NRSN2: variants seen among roughly 807,000 people sequenced by gnomAD.
NRSN2 encodes neurensin-2.
In NRSN2, 10 loss-of-function variants were observed where a neutral mutation model predicts 11.1. That is an observed-to-expected ratio of 0.90 (90% CI 0.56 to 1.53). NRSN2 has a LOEUF of 1.53. Ranked by LOEUF, NRSN2 falls within the 40% of genes most tolerant of loss-of-function variation. The pLI is 0.00. For missense variants in NRSN2, 260 were observed against 273.7 expected (o/e 0.95, Z 0.35); for synonymous variants, 100 against 117.0 (o/e 0.86, Z 0.94).
At chr20:352,075 G>A (rs980622398) in intron 4 of NRSN2, among the ~76,000 whole-genome samples, 11 of 152,206 alleles carry the variant, frequency 7.2e-5, no homozygotes, top group Admixed American at 5.9e-4. Context: ...TAATTACTAT[G>A]GTTAAGAGAT....
intron 4 of NRSN2, among the ~76,000 whole-genome samples, chr20:350,253 G>A (rs2013825489): frequency 1.3e-5 from 2 of 151,972 alleles, no homozygotes; most frequent in Admixed American, 1.3e-4. Flanking sequence ...GGCTGAGGCT[G>A]GTGGATCTCG....
At position 352,689 on chromosome 20, in the gene NRSN2, C is replaced by G. The variant is rs76914963; in HGVS notation, c.190-521C>G. Among the ~76,000 whole-genome samples, 548 of 152,362 alleles carry G rather than the reference C, an allele frequency of 3.6e-3. 3 individuals carry two copies. The highest frequency in any genetic ancestry group is 0.012 in the African/African-American group (518 of 41,588). On this transcript the variant is annotated intron_variant, in intron 4 of 4. Transcript: ENST00000382285. ...CCTAGTGAGCCAAAACAGGCACAGT[C>G]TGCTCTCATGGAGCTCTCAGTACTG...
chr20:352,403 T>TA (rs2014039757), intron 4 of NRSN2, among the ~76,000 whole-genome samples: 1 of 152,210 alleles, frequency 6.6e-6, no homozygotes, highest in African/African-American at 2.4e-5. Context: ...GAGGCCAACT[T>TA]ACATAACTTC....
chr20:349,639 G>A lies in NRSN2; in HGVS notation c.-5G>A, dbSNP rs371070518. 1.5e-5 allele frequency: 24 copies of A among 1,608,414 alleles called. No homozygotes were observed. The highest frequency in any genetic ancestry group is 2.0e-5 in the Non-Finnish European group (24 of 1,177,858). On this transcript the variant is annotated splice_region_variant and 5_prime_UTR_variant, in exon 4 of 5. Coordinates refer to ENST00000382285, the MANE Select transcript of NRSN2 (RefSeq NM_001323682.2). Reference sequence around the variant, plus strand: ...AGCTGCACCTTACCTGCTCCCCAGGGGTCCATGATGCCGAGCTGCAATCGT... The same window carrying A: ...AGCTGCACCTTACCTGCTCCCCAGGAGTCCATGATGCCGAGCTGCAATCGT...
In NRSN2 at chr20:347,962, C is replaced by G. The variant is rs1472320697; in HGVS notation, c.-122+450C>G. On this transcript the variant is annotated intron_variant, in intron 2 of 4. Coordinates refer to ENST00000382285, the MANE Select transcript of NRSN2 (RefSeq NM_001323682.2). This position sits in a 1 kb window ranked among gnomAD's most constrained non-coding sequence, Gnocchi z 7.0. Reference sequence around the variant, plus strand: ...CGGAGGGGCCAGGCCGAGCGGGAGGCAGCGTCAAGGTCACCTTCCCTCTCC... The same window carrying G: ...CGGAGGGGCCAGGCCGAGCGGGAGGGAGCGTCAAGGTCACCTTCCCTCTCC... The G allele has an allele frequency of 6.5e-6, 1 of 152,688 alleles. No homozygotes were observed. The highest frequency in any genetic ancestry group is 1.5e-5 in the Non-Finnish European group (1 of 68,456). The allele number at this position is 152,688 out of a possible 1,614,324, so 9.5% of individuals were successfully genotyped here.
Position 349,827 on chromosome 20 carries a change from T to C in NRSN2, c.184T>C (p.Trp62Arg). 1.2e-6 allele frequency: 2 copies of C among 1,612,936 alleles called. No individual in the cohort carries two copies. Among genetic ancestry groups the C allele is most frequent in the Non-Finnish European group, 1.7e-6 (2 of 1,179,714 alleles). ...CCGCCGGCCCTGGCCCTCACTGTGTTGGAAGGTAAGGCCAGATGAGCACCT... is the reference window on the plus strand; with the variant it reads ...CCGCCGGCCCTGGCCCTCACTGTGTCGGAAGGTAAGGCCAGATGAGCACCT... ...CPRRPWPSLC[W>R]KISLSSGTLL... is the part of the protein sequence containing the mutation. Residue 62 changes from tryptophan to arginine, a missense_variant, in exon 4 of 5, where the codon TGG becomes CGG. Physicochemically the swap from Trp to Arg is moderately radical, Grantham distance 101 (BLOSUM62 -3). Transcript: ENST00000382285.
chr20:349,782 G>A lies in NRSN2; in HGVS notation c.139G>A (p.Gly47Arg). The A allele has an allele frequency of 3.7e-6, 6 of 1,613,504 alleles. No homozygotes were observed. Among genetic ancestry groups the A allele is most frequent in the Non-Finnish European group, 3.4e-6 (4 of 1,180,012 alleles). ...CACTGCTCTCAGCGACGACCCTGAG[G>A]GACCTCCGGTCCTGTGCCCCCGCCG... ...AGTALSDDPE[G>R]PPVLCPRRPW... Residue 47 changes from glycine (G) to arginine (R), a missense_variant, in exon 4 of 5, where the codon GGA becomes AGA. By Grantham distance (125) the Gly-to-Arg change is moderately radical (BLOSUM62 -2). Coordinates refer to ENST00000382285, the MANE Select transcript of NRSN2 (RefSeq NM_001323682.2).
chr20:347,475 C>T lies in NRSN2; in HGVS notation c.-159C>T, dbSNP rs914283397. ...AGGACGCAGTTGGTGTGGAGCAGGG[C>T]ATCGGTGGTCCTGTCAGGAAGAGTG... On this transcript the variant is annotated 5_prime_UTR_variant, in exon 2 of 5. Transcript: ENST00000382285. The surrounding 1 kb of genome is among the most constrained non-coding windows in gnomAD (Gnocchi z 7.0). 1.3e-5 allele frequency: 2 copies of T among 152,374 alleles called. No individual in the cohort carries two copies. The highest frequency in any genetic ancestry group is 2.9e-5 in the Non-Finnish European group (2 of 68,182). 9.4% of individuals were successfully genotyped at this position (152,374 alleles called of 1,614,324 possible). A position where few individuals can be genotyped will look rare whatever the true frequency, so the allele number is the denominator to read the frequency against.
chr20:347,381 C>G lies in NRSN2; in HGVS notation c.-200-53C>G, dbSNP rs2013497563. ...GGCTGGGTAGAGGCTTCAAAGGACACCCCCACCCCCGCCAACACTTCAAAA... is the reference window on the plus strand; with the variant it reads ...GGCTGGGTAGAGGCTTCAAAGGACAGCCCCACCCCCGCCAACACTTCAAAA... On this transcript the variant is annotated intron_variant, in intron 1 of 4. Transcript: ENST00000382285. The surrounding 1 kb of genome is among the most constrained non-coding windows in gnomAD (Gnocchi z 7.0). The G allele has an allele frequency of 6.6e-6, 1 of 152,408 alleles. No homozygotes were observed. The allele number at this position is 152,408 out of a possible 1,614,324, so 9.4% of individuals were successfully genotyped here.
At position 353,291 on chromosome 20, in the gene NRSN2, G is replaced by C; in HGVS notation, c.271G>C (p.Glu91Gln). The C allele has an allele frequency of 1.9e-6, 3 of 1,614,108 alleles. No individual in the cohort carries two copies. Among genetic ancestry groups the C allele is most frequent in the Non-Finnish European group, 2.5e-6 (3 of 1,180,040 alleles). Residue 91 changes from glutamate to glutamine, a missense_variant, in exon 5 of 5, where the codon GAG (glutamate) becomes CAG (glutamine). Physicochemically the swap from Glu to Gln is conservative, Grantham distance 29. Transcript: ENST00000382285. Reference sequence around the variant, plus strand: ...TGGCTATGCAGTGCCCCCCAAGCTGGAGGGCATCGGTGAGGGTGAGTTCCT... The same window carrying C: ...TGGCTATGCAGTGCCCCCCAAGCTGCAGGGCATCGGTGAGGGTGAGTTCCT... ...TTGYAVPPKL[E>Q]GIGEGEFLVL...
At position 347,793 on chromosome 20, in the gene NRSN2, C is replaced by T. The variant is rs2013544910; in HGVS notation, c.-122+281C>T. Among the ~76,000 whole-genome samples, 1 of 152,098 alleles carries T rather than the reference C, an allele frequency of 6.6e-6. No homozygotes were observed. Among genetic ancestry groups the T allele is most frequent in the Non-Finnish European group, 1.5e-5 (1 of 68,012 alleles). On this transcript the variant is annotated intron_variant, in intron 2 of 4. Coordinates refer to ENST00000382285, the MANE Select transcript of NRSN2 (RefSeq NM_001323682.2). This position sits in a 1 kb window ranked among gnomAD's most constrained non-coding sequence, Gnocchi z 7.0. ...CGTCGGACAGCGCAGCCCCCTCCGC[C>T]TCCCGCTCCCCTCCCACCGAGCTCC...
At chr20:349,968 A>C in intron 4 of NRSN2, 136 bp downstream of exon 4, 1 of 653,348 alleles carries the variant, frequency 1.5e-6, no homozygotes, top group Non-Finnish European at 2.4e-6. Flanking sequence ...AGAAAACCCA[A>C]TTCAAATGGG....
chr20:353,361 C>A lies in NRSN2; in HGVS notation c.341C>A (p.Thr114Asn). 1 of 1,614,024 alleles carries A rather than the reference C, an allele frequency of 6.2e-7. No homozygotes were observed. Among genetic ancestry groups the A allele is most frequent in the South Asian group, 1.1e-5 (1 of 91,078 alleles). ...GCCGACTACAACCAGGCCCTGGGCA[C>A]CTGTCGCCTGGCAGGCACAGCGCTC... The part of the protein sequence containing the change: ...RAADYNQALG[T>N]CRLAGTALCV... Residue 114 changes from threonine to asparagine, a missense_variant, in exon 5 of 5, where the codon ACC (threonine) becomes AAC (asparagine). Physicochemically the swap from Thr to Asn is moderately conservative, Grantham distance 65. Transcript: ENST00000382285.
intron 2 of NRSN2, chr20:348,308 T>A (rs964458514): frequency 2.9e-4 from 44 of 152,848 alleles, no homozygotes; most frequent in African/African-American, 9.6e-4. Context: ...TCGCTTTCAG[T>A]CTCTGCCTTT....
intron 4 of NRSN2, among the ~76,000 whole-genome samples, chr20:352,406 A>C (rs181641867): frequency 4.6e-4 from 70 of 152,340 alleles, no homozygotes; most frequent in African/African-American, 1.6e-3. Context: ...GCCAACTTAC[A>C]TAACTTCAGG....
Position 347,920 on chromosome 20 carries a change from A to G in NRSN2, c.-122+408A>G, listed in dbSNP as rs370540140. ...CCCGCCCGCCAGACCTACTCCGTGCAGCCCTGAAACGCCAGGCGGAGGGGC... is the reference window on the plus strand; with the variant it reads ...CCCGCCCGCCAGACCTACTCCGTGCGGCCCTGAAACGCCAGGCGGAGGGGC... On this transcript the variant is annotated intron_variant, in intron 2 of 4. Transcript: ENST00000382285. This position sits in a 1 kb window ranked among gnomAD's most constrained non-coding sequence, Gnocchi z 7.0. 1.3e-5 allele frequency among the ~76,000 whole-genome samples: 2 copies of G among 151,288 alleles called. No homozygotes were observed. Among genetic ancestry groups the G allele is most frequent in the East Asian group, 4.0e-4 (2 of 5,058 alleles).
intron 4 of NRSN2, among the ~76,000 whole-genome samples, chr20:351,326 G>A (rs1381164539): frequency 1.3e-5 from 2 of 152,214 alleles, no homozygotes; most frequent in Non-Finnish European, 2.9e-5. Context: ...CTTGAGCCCA[G>A]GAATTCAAGA....
rs538728645 is a variant in NRSN2, at chr20:354,752, C to T, written c.*1117C>T. On this transcript the variant is annotated 3_prime_UTR_variant, in exon 5 of 5. Transcript: ENST00000382285. ...CAGCCTGAAGGGCCTCCTAGGGGAT[C>T]CTCAGGCGGCCCCCACCAGGGCACA... is the stretch of plus-strand genomic sequence containing the variant. The T allele has an allele frequency of 6.6e-6, 1 of 152,388 alleles. No homozygotes were observed. The highest frequency in any genetic ancestry group is 2.4e-5 in the African/African-American group (1 of 41,568). The allele number at this position is 152,388 out of a possible 1,614,324, so 9.4% of individuals were successfully genotyped here. A position where few individuals can be genotyped will look rare whatever the true frequency, so the allele number is the denominator to read the frequency against.
At position 353,709 on chromosome 20, in the gene NRSN2, C is replaced by A; in HGVS notation, c.*74C>A. 3 of 1,458,348 alleles carry A rather than the reference C, an allele frequency of 2.1e-6. No individual in the cohort carries two copies. Among genetic ancestry groups the A allele is most frequent in the South Asian group, 2.4e-5 (2 of 82,120 alleles). The allele number at this position is 1,458,348 out of a possible 1,614,324, so 90.3% of individuals were successfully genotyped here. On this transcript the variant is annotated 3_prime_UTR_variant, in exon 5 of 5. Transcript: ENST00000382285. ...CACCATAACCCCCTCTCAGTGTTTC[C>A]CCAACTTCTCCCTTTTAGCAGGGTC...
Sources: allele counts gnomAD v4.1 joint callset (sites outside exome capture counted in the v4.1 genomes callset), GRCh38; gene constraint gnomAD v4.1.1; non-coding constraint Gnocchi (gnomAD v3.1); transcripts MANE v1.5; gene names NCBI Gene and HGNC (gene_info 2026-07-23, HGNC 2026-07-21).